TTC39C: variants seen among roughly 807,000 people sequenced by gnomAD.
TTC39C encodes tetratricopeptide repeat domain 39C, also known as tetratricopeptide repeat protein 39C.
In TTC39C, 33 loss-of-function variants were observed where a neutral mutation model predicts 76.3. That is an observed-to-expected ratio of 0.43 (90% CI 0.33 to 0.58). The LOEUF (loss-of-function observed/expected upper bound fraction) is 0.58. Among genes scored for constraint, TTC39C ranks in the 20% least tolerant of loss-of-function variants. The pLI, the probability that TTC39C is intolerant of heterozygous loss-of-function variation, is 0.04. For missense variants in TTC39C, 595 were observed against 701.4 expected, an observed-to-expected ratio of 0.85 and a Z score of 1.71; for synonymous variants, 254 against 260.6, an observed-to-expected ratio of 0.97 and a Z score of 0.24.
intron 8 of TTC39C, among the ~76,000 whole-genome samples, chr18:24,123,247 A>G (rs778287425): frequency 1.3e-5 from 2 of 152,274 alleles, no homozygotes; most frequent in African/African-American, 2.4e-5. Context: ...GGATTTTGTT[A>G]TGTGAAAAAC....
intron 10 of TTC39C, among the ~76,000 whole-genome samples, chr18:24,125,993 C>T (rs1389018048): frequency 6.6e-6 from 1 of 152,146 alleles, no homozygotes; most frequent in Non-Finnish European, 1.5e-5. Context: ...TTGAGACCAA[C>T]CTGGGCAACA....
At chr18:24,084,910 C>T (rs2084422156) in intron 6 of TTC39C, among the ~76,000 whole-genome samples, 1 of 152,210 alleles carries the variant, frequency 6.6e-6, no homozygotes, top group Admixed American at 6.5e-5. Flanking sequence ...AGAGATCCTC[C>T]AGCCTCGGCC....
intron 4 of TTC39C, among the ~76,000 whole-genome samples, chr18:24,071,221 C>T (rs1191885709): frequency 6.6e-6 from 1 of 152,180 alleles, no homozygotes; most frequent in African/African-American, 2.4e-5. Context: ...GCTGCCGTGC[C>T]CAGCCAGAAC....
At chr18:24,022,063 C>T (rs544900280) in intron 1 of TTC39C, among the ~76,000 whole-genome samples, 3 of 151,962 alleles carry the variant, frequency 2.0e-5, no homozygotes, top group Admixed American at 6.6e-5. Context: ...TTCTTGTGTA[C>T]GTCAATGTAA....
chr18:24,134,338 A>C lies in TTC39C; in HGVS notation c.*1764A>C, dbSNP rs1416421975. ...ACCCAGGCTGGAGTGCAGTGGCGTG[A>C]TCTTGGCTCACTGCAACCTCTGCCT... On this transcript the variant is annotated 3_prime_UTR_variant, in exon 14 of 14. Coordinates refer to ENST00000317571, the MANE Select transcript of TTC39C (RefSeq NM_001135993.2). 8.3e-6 allele frequency: 1 copy of C among 121,194 alleles called. No individual in the cohort carries two copies. The highest frequency in any genetic ancestry group is 2.7e-4 in the East Asian group (1 of 3,734). The allele number at this position is 121,194 out of a possible 1,614,324, so 7.5% of individuals were successfully genotyped here.
chr18:24,056,567 C>T (rs56036078), intron 1 of TTC39C, among the ~76,000 whole-genome samples: 1 of 55,196 alleles, frequency 1.8e-5, no homozygotes, highest in African/African-American at 5.2e-5. Context: ...TTCTCTTCCA[C>T]TGTGTTTCAG....
intron 6 of TTC39C, among the ~76,000 whole-genome samples, chr18:24,099,067 AACATATAT>A (rs2084642100): frequency 6.9e-6 from 1 of 144,822 alleles, no homozygotes; most frequent in Non-Finnish European, 1.5e-5. Context: ...ATATACATAT[AACATATAT>A]ACATATATAT....
At chr18:24,122,809 G>C (rs143438895) in intron 8 of TTC39C, among the ~76,000 whole-genome samples, 3 of 152,128 alleles carry the variant, frequency 2.0e-5, no homozygotes, top group Non-Finnish European at 4.4e-5. Context: ...TCAAGACTCC[G>C]CTCGACTTCT....
At chr18:24,013,961 T>C (rs1293468940), upstream of TTC39C, among the ~76,000 whole-genome samples, 1 of 152,260 alleles carries the variant, frequency 6.6e-6, no homozygotes, top group Non-Finnish European at 1.5e-5. Context: ...TTTATAACTT[T>C]TAAATATTTG....
intron 4 of TTC39C, among the ~76,000 whole-genome samples, chr18:24,079,143 G>A (rs1474958642): frequency 6.6e-5 from 10 of 152,088 alleles, no homozygotes; most frequent in Admixed American, 6.5e-4. Flanking sequence ...GGTCAGAGTT[G>A]GTATCATATT....
chr18:24,106,626 C>T (rs971417222), intron 6 of TTC39C, among the ~76,000 whole-genome samples: 2 of 152,090 alleles, frequency 1.3e-5, no homozygotes, highest in Non-Finnish European at 2.9e-5. Context: ...ATCAGAGACC[C>T]ATGGGGATGA....
At chr18:24,041,397 T>C (rs12971057) in intron 1 of TTC39C, among the ~76,000 whole-genome samples, 96,003 of 152,134 alleles carry the variant, frequency 0.63, 34,161 homozygotes, top group Non-Finnish European at 0.82. Flanking sequence ...GATGGAGCTC[T>C]AGTGGGTGGG....
intron 6 of TTC39C, among the ~76,000 whole-genome samples, chr18:24,086,691 CTA>C (rs1371831507): frequency 1.3e-5 from 2 of 152,214 alleles, no homozygotes; most frequent in Non-Finnish European, 2.9e-5. Flanking sequence ...CACTGCGTGT[CTA>C]TAGTACTGTG....
intron 6 of TTC39C, among the ~76,000 whole-genome samples, chr18:24,088,816 A>C (rs900861277): frequency 6.6e-6 from 1 of 152,080 alleles, no homozygotes; most frequent in Non-Finnish European, 1.5e-5. Flanking sequence ...CTTCCCCCTC[A>C]TTTTCAATTC....
At chr18:23,995,647 T>C (rs1287540890) in intron 1 of TTC39C, among the ~76,000 whole-genome samples, 2 of 151,978 alleles carry the variant, frequency 1.3e-5, no homozygotes, top group East Asian at 3.9e-4. Flanking sequence ...CCATGAACAT[T>C]TGTATAAAAG....
At chr18:24,097,026 GGT>G (rs1750567069) in intron 6 of TTC39C, among the ~76,000 whole-genome samples, 1 of 152,174 alleles carries the variant, frequency 6.6e-6, no homozygotes, top group Non-Finnish European at 1.5e-5. Flanking sequence ...AGGACTGTAA[GGT>G]GAATGCCTAA....
chr18:24,064,035 A>G, intron 1 of TTC39C, 105 bp from the exon 2 acceptor site: 1 of 1,461,586 alleles, frequency 6.8e-7, no homozygotes, highest in Non-Finnish European at 9.2e-7. Context: ...CTTTTATTCA[A>G]TTAGAAGGAT....
At chr18:24,110,090 A>C (rs148085096) in intron 6 of TTC39C, among the ~76,000 whole-genome samples, 1 of 152,322 alleles carries the variant, frequency 6.6e-6, no homozygotes, top group African/African-American at 2.4e-5. Flanking sequence ...ATTATGACCT[A>C]GTAGGACTTA....
intron 1 of TTC39C, among the ~76,000 whole-genome samples, chr18:23,996,837 C>T (rs571984118): frequency 6.6e-6 from 1 of 152,220 alleles, no homozygotes; most frequent in African/African-American, 2.4e-5. Context: ...TGGCCGGGCA[C>T]AGTGGCTCAC....
Sources: allele counts gnomAD v4.1 joint callset (sites outside exome capture counted in the v4.1 genomes callset), GRCh38; gene constraint gnomAD v4.1.1; transcripts MANE v1.5; gene names NCBI Gene and HGNC (gene_info 2026-07-23, HGNC 2026-07-21).